ZNF721: variants seen among roughly 807,000 people sequenced by gnomAD.
ZNF721 encodes the protein zinc finger protein 721.
ZNF721 carries 2 observed loss-of-function variants against 2.4 expected under a neutral mutation model. That is an observed-to-expected ratio of 0.82 (90% CI 0.34 to 2.58). ZNF721 has a LOEUF of 2.58. ZNF721 is among the 30% of genes most tolerant of loss of function. The pLI, the probability that ZNF721 is intolerant of heterozygous loss-of-function variation, is 0.11. For synonymous variants in ZNF721, 398 were observed against 381.8 expected (o/e 1.04, Z -0.50); for missense variants, 1,187 against 1,085.5 (o/e 1.09, Z -1.31).
At chr4:454,140 T>C (rs1284110772) in intron 2 of ZNF721, 1 of 152,254 alleles carries the variant, frequency 6.6e-6, no homozygotes, top group Non-Finnish European at 1.5e-5. Flanking sequence ...TTACAGTAAC[T>C]ATATTGCAGT....
chr4:485,906 T>C (rs1363394292), intron 1 of ZNF721, among the ~76,000 whole-genome samples: 3 of 151,952 alleles, frequency 2.0e-5, no homozygotes, highest in Non-Finnish European at 4.4e-5. Flanking sequence ...ACCGAGGAGG[T>C]AGAGGTTGCA....
intron 1 of ZNF721, among the ~76,000 whole-genome samples, chr4:482,259 G>GA: frequency 6.6e-6 from 1 of 152,160 alleles, no homozygotes; most frequent in Non-Finnish European, 1.5e-5. Context: ...CATCTTCCAG[G>GA]TTCAAACGAT....
chr4:475,043 C>G (rs1715591662), intron 1 of ZNF721, among the ~76,000 whole-genome samples: 1 of 152,040 alleles, frequency 6.6e-6, no homozygotes, highest in East Asian at 1.9e-4. Flanking sequence ...AAAAATTAGC[C>G]GGGCGTGGTG....
chr4:459,825 C>T (rs1414044977), intron 2 of ZNF721, among the ~76,000 whole-genome samples: 6 of 147,784 alleles, frequency 4.1e-5, no homozygotes, highest in Admixed American at 1.4e-4. Context: ...AGCAAGACTC[C>T]GTCTCAAAAA....
chr4:477,677 G>C (rs1715667502), intron 1 of ZNF721, among the ~76,000 whole-genome samples: 1 of 152,100 alleles, frequency 6.6e-6, no homozygotes, highest in African/African-American at 2.4e-5. Context: ...AGAAAAAAGA[G>C]CCCCTGGGGA....
intron 2 of ZNF721, among the ~76,000 whole-genome samples, chr4:462,881 A>G (rs1553866276): frequency 6.6e-6 from 1 of 152,236 alleles, no homozygotes. Flanking sequence ...AGCAATGGCA[A>G]CAAAAGCCAA....
chr4:459,057 G>C (rs559219259), intron 2 of ZNF721, among the ~76,000 whole-genome samples: 2 of 152,292 alleles, frequency 1.3e-5, no homozygotes, highest in African/African-American at 4.8e-5. Context: ...GCCAAACCAA[G>C]CTTCATAAGC....
chr4:482,838 G>A (rs1166075137), intron 1 of ZNF721, among the ~76,000 whole-genome samples: 1 of 152,156 alleles, frequency 6.6e-6, no homozygotes, highest in African/African-American at 2.4e-5. Flanking sequence ...AGGGCTTGTA[G>A]TTACCATGTG....
At chr4:491,042 G>A (rs1488474277) in intron 1 of ZNF721, among the ~76,000 whole-genome samples, 1 of 151,984 alleles carries the variant, frequency 6.6e-6, no homozygotes, top group Admixed American at 6.5e-5. Context: ...GTGCCATTAG[G>A]AGTAAACTGC....
chr4:441,733 T>C lies in ZNF721; in HGVS notation c.2734A>G (p.Lys912Glu), dbSNP rs184599401. 1.2e-4 allele frequency: 193 copies of C among 1,613,048 alleles called. No individual in the cohort carries two copies. The highest frequency in any genetic ancestry group is 8.3e-4 in the Middle Eastern group (5 of 6,060). ...GTTTTATCTCCAGTATGAATTTTCT[T>C]ATGTGCATAAAGATTTGCAGACTGT... is the stretch of plus-strand genomic sequence containing the variant. The part of the protein sequence containing the change: ...FRQSANLYAH[K>E]KIHTGDKTIQ... Residue 912 changes from lysine (K) to glutamate (E), a missense_variant, in exon 3 of 3, where the codon AAG (lysine) becomes GAG (glutamate). Transcript: ENST00000511833.
intron 1 of ZNF721, among the ~76,000 whole-genome samples, chr4:480,850 CAT>C (rs1378606662): frequency 1.2e-4 from 17 of 145,564 alleles, no homozygotes; most frequent in East Asian, 6.1e-4. Context: ...CTGTTATACA[CAT>C]GTGTGTGCAA....
At chr4:452,049 AG>A (rs782054501) in intron 2 of ZNF721, among the ~76,000 whole-genome samples, 16 of 152,338 alleles carry the variant, frequency 1.1e-4, no homozygotes, top group Admixed American at 5.2e-4. Context: ...GTGTCAAGAT[AG>A]GGACTGGTTG....
At position 442,419 on chromosome 4, in the gene ZNF721, G is replaced by A. The variant is rs782807591; in HGVS notation, c.2048C>T (p.Ala683Val). The change falls in exon 3 of 3, where the codon GCC becomes GTC. Residue 683 changes from alanine (A) to valine (V), a missense_variant. By Grantham distance (64) the Ala-to-Val change is moderately conservative. Transcript: ENST00000511833. Reference sequence around the variant, plus strand: ...ATGAATTTTCTTGTGTTGATTCAGGGCTATGGACCATCCAAAGGCTTTGCC... The same window carrying A: ...ATGAATTTTCTTGTGTTGATTCAGGACTATGGACCATCCAAAGGCTTTGCC... ...ECGKAFGWSI[A>V]LNQHKKIHTG... The A allele has an allele frequency of 3.2e-6, 5 of 1,579,506 alleles. No homozygotes were observed. The South Asian group carries it at 5.7e-5, about 18-fold the overall frequency.
intron 2 of ZNF721, among the ~76,000 whole-genome samples, chr4:464,468 CAAAAAAAA>C (rs57645783): frequency 3.8e-5 from 3 of 78,034 alleles, no homozygotes; most frequent in Non-Finnish European, 7.8e-5. Flanking sequence ...GACTCCACCT[CAAAAAAAA>C]AAAAAAAAAA....
intron 1 of ZNF721, among the ~76,000 whole-genome samples, chr4:474,578 T>C (rs947108089): frequency 6.6e-6 from 1 of 152,104 alleles, no homozygotes; most frequent in East Asian, 1.9e-4. Context: ...AGCAAACCTC[T>C]AAAAAATAAA....
In ZNF721 at chr4:444,147, TTCTC is replaced by T; in HGVS notation, c.316_319del (p.Glu106AsnfsTer18). The T allele has an allele frequency of 6.2e-7, 1 of 1,614,182 alleles. No individual in the cohort carries two copies. The highest frequency in any genetic ancestry group is 8.5e-7 in the Non-Finnish European group (1 of 1,179,996). On this transcript the variant is annotated frameshift_variant, in exon 3 of 3. Transcript: ENST00000511833. LOFTEE classifies it low-confidence loss of function (END_TRUNC). Reference sequence around the variant, plus strand: ...GCCACATTCGTTACATTTAAAGTGTTTCTCTCCAGTATGTCTTGTCTTATCTTTG... The same window carrying T: ...GCCACATTCGTTACATTTAAAGTGTTTCCAGTATGTCTTGTCTTATCTTTG...
intron 1 of ZNF721, among the ~76,000 whole-genome samples, chr4:487,453 G>C (rs147599780): frequency 0.014 from 2,127 of 152,228 alleles, 49 homozygotes; most frequent in African/African-American, 0.047. Context: ...CCTGAAGGAG[G>C]CAAACTGAGC....
At chr4:448,432 T>C (rs1157821621) in intron 2 of ZNF721, among the ~76,000 whole-genome samples, 2 of 140,572 alleles carry the variant, frequency 1.4e-5, no homozygotes, top group Non-Finnish European at 3.1e-5. Context: ...CAGGAATCCG[T>C]ATCCCCCCCC....
intron 1 of ZNF721, among the ~76,000 whole-genome samples, chr4:482,240 T>C (rs1553869649): frequency 6.6e-6 from 1 of 152,228 alleles, no homozygotes; most frequent in African/African-American, 2.4e-5. Context: ...CCCGGCTCAC[T>C]GCAACCTCCA....
Sources: gnomAD v4.1 joint callset for allele counts (sites outside exome capture counted in the v4.1 genomes callset) on GRCh38, gnomAD v4.1.1 for gene constraint, MANE v1.5 for transcripts, NCBI Gene and HGNC (gene_info 2026-07-23, HGNC 2026-07-21) for gene names.